CNNM1: variants seen among roughly 807,000 people sequenced by gnomAD.
CNNM1 encodes cyclin and CBS domain divalent metal cation transport mediator 1.
In CNNM1, 44 loss-of-function variants were observed where a neutral mutation model predicts 78.8. The observed-to-expected ratio is 0.56, with a 90% CI of 0.44 to 0.72. The LOEUF is 0.72. Among genes scored for constraint, CNNM1 ranks in the 30% least tolerant of loss-of-function variants. CNNM1 has a pLI of 0.00. For synonymous variants in CNNM1, 584 were observed against 581.5 expected (o/e 1.00, Z -0.06); for missense variants, 1,101 against 1,292.2 (o/e 0.85, Z 2.27).
chr10:99,331,017 T>A, intron 1 of CNNM1, 57 bp downstream of exon 1: 3 of 1,508,440 alleles, frequency 2.0e-6, no homozygotes, highest in Non-Finnish European at 2.7e-6. Context: ...GTATTATCCT[T>A]TCCTAACCAC....
intron 1 of CNNM1, among the ~76,000 whole-genome samples, chr10:99,356,572 G>GAAAGAAAAGAAAAGAAAGAAAGAA (rs1554940050): frequency 8.7e-6 from 1 of 115,202 alleles, no homozygotes; most frequent in Non-Finnish European, 1.8e-5. Context: ...CAGAAAGAAA[G>GAAAGAAAAGAAAAGAAAGAAAGAA]AAAGAAAGAA....
intron 5 of CNNM1, 74 bp downstream of exon 5, chr10:99,364,590 A>T: frequency 8.2e-7 from 1 of 1,217,154 alleles, no homozygotes. Context: ...TCAAGTCTTG[A>T]CTCCCCCTTT....
intron 1 of CNNM1, among the ~76,000 whole-genome samples, chr10:99,345,077 C>T (rs1375606918): frequency 1.3e-5 from 2 of 152,218 alleles, no homozygotes; most frequent in Non-Finnish European, 2.9e-5. Context: ...GGGGTTGTTC[C>T]TGGCTCCATC....
In CNNM1 at chr10:99,377,189, C is replaced by G. The variant is rs1276866510; in HGVS notation, c.2311C>G (p.His771Asp). 1 of 1,613,580 alleles carries G rather than the reference C, an allele frequency of 6.2e-7. No individual in the cohort carries two copies. The highest frequency in any genetic ancestry group is 1.7e-5 in the Admixed American group (1 of 59,994). ...NNLYMPDYSV[H>D]ILSDVQFVKI... ...CCTCTACATGCCTGACTACTCAGTCCACATCCTCAGCGATGTGCAGTTTGT... is the reference window on the plus strand; with the variant it reads ...CCTCTACATGCCTGACTACTCAGTCGACATCCTCAGCGATGTGCAGTTTGT... The change falls in exon 7 of 11, where the codon CAC becomes GAC. Residue 771 changes from histidine to aspartate, a missense_variant. Transcript: ENST00000356713.
At chr10:99,336,566 A>G (rs915973769) in intron 1 of CNNM1, among the ~76,000 whole-genome samples, 1 of 152,364 alleles carries the variant, frequency 6.6e-6, no homozygotes, top group East Asian at 1.9e-4. Flanking sequence ...TATTCAACAA[A>G]TAGTTGTGTT....
chr10:99,333,534 AG>A (rs1395804724), intron 1 of CNNM1, among the ~76,000 whole-genome samples: 1 of 152,092 alleles, frequency 6.6e-6, no homozygotes, highest in East Asian at 1.9e-4. Flanking sequence ...TAGTAGAGAC[AG>A]GGTTTCACCA....
At chr10:99,357,362 C>T (rs969184478) in intron 1 of CNNM1, 150 bp from the exon 2 acceptor site, 17 of 575,864 alleles carry the variant, frequency 3.0e-5, no homozygotes, top group Middle Eastern at 4.7e-4. Context: ...CATTTATAAG[C>T]GCTTGCATAA....
At chr10:99,388,352 G>T in intron 9 of CNNM1, 51 bp downstream of exon 9, 1 of 1,582,888 alleles carries the variant, frequency 6.3e-7, no homozygotes. Context: ...ATTGCCTTTG[G>T]GCACTGGGAT....
At chr10:99,364,593 C>T (rs2031551718) in intron 5 of CNNM1, 77 bp downstream of exon 5, 1 of 1,157,326 alleles carries the variant, frequency 8.6e-7, no homozygotes, top group Non-Finnish European at 1.2e-6. Flanking sequence ...AGTCTTGACT[C>T]CCCCTTTGAC....
chr10:99,389,137 C>T (rs373262003), intron 9 of CNNM1, among the ~76,000 whole-genome samples: 8 of 152,188 alleles, frequency 5.3e-5, no homozygotes, highest in South Asian at 2.1e-4. Context: ...TAAAGTTGGC[C>T]GGGCACGGTG....
rs374753323 is a variant in CNNM1, at chr10:99,329,601, C to T, written c.214C>T (p.Leu72=). The change falls in exon 1 of 11, where the codon CTG becomes TTG. Residue 72 remains leucine, a synonymous_variant. Transcript: ENST00000356713. The part of the protein sequence containing the change: ...LRAAEGTSFL[L]RVYFQPGPPA... ...CGCCGCCGAAGGCACCAGCTTCCTC[C>T]TGCGTGTCTATTTCCAGCCAGGACC... 3.5e-4 allele frequency: 531 copies of T among 1,517,922 alleles called. 4 individuals carry two copies. The African/African-American group carries it at 6.9e-3, about 20-fold the overall frequency. 94.0% of individuals were successfully genotyped at this position (1,517,922 alleles called of 1,614,324 possible).
At chr10:99,356,968 C>A (rs371092469) in intron 1 of CNNM1, among the ~76,000 whole-genome samples, 1 of 152,186 alleles carries the variant, frequency 6.6e-6, no homozygotes, top group Non-Finnish European at 1.5e-5. Flanking sequence ...CACAAGCCCC[C>A]CCAGATTCAA....
At chr10:99,335,601 G>T (rs2030138500) in intron 1 of CNNM1, among the ~76,000 whole-genome samples, 1 of 152,042 alleles carries the variant, frequency 6.6e-6, no homozygotes. Flanking sequence ...CTCTTCATGG[G>T]CCTCTGTCCC....
intron 1 of CNNM1, among the ~76,000 whole-genome samples, chr10:99,350,299 C>G (rs2030891910): frequency 2.0e-5 from 3 of 152,216 alleles, no homozygotes; most frequent in African/African-American, 7.2e-5. Flanking sequence ...ACAAGTGAGG[C>G]AGAAACCATA....
Position 99,329,825 on chromosome 10 carries a change from G to C in CNNM1, c.438G>C (p.Leu146=). The C allele has an allele frequency of 7.0e-7, 1 of 1,436,384 alleles. No individual in the cohort carries two copies. Among genetic ancestry groups the C allele is most frequent in the South Asian group, 1.4e-5 (1 of 69,150 alleles). 89.0% of individuals were successfully genotyped at this position (1,436,384 alleles called of 1,614,324 possible). A position where few individuals can be genotyped will look rare whatever the true frequency, so the allele number is the denominator to read the frequency against. ...ACTGGGCATCGGACGTGGAAGTCCT[G>C]GGGCCCTTGCGTCCCGGGGGCGTGG... The part of the protein sequence containing the change: ...QSDWASDVEV[L]GPLRPGGVAG... The change falls in exon 1 of 11, where the codon CTG becomes CTC. Residue 146 remains leucine (L), a synonymous_variant. Coordinates refer to ENST00000356713, the MANE Select transcript of CNNM1 (RefSeq NM_020348.3).
chr10:99,393,188 A>T lies in CNNM1; in HGVS notation c.*1672A>T, dbSNP rs1330975910. The stretch of plus-strand genomic sequence containing the variant: ...ATTCCCAAACCTTTCCCCGTAGTAT[A>T]CCATCCAGCTTCCCTCCCCTTCCTC... On this transcript the variant is annotated 3_prime_UTR_variant, in exon 11 of 11. Transcript: ENST00000356713. 2 of 152,406 alleles carry T rather than the reference A, an allele frequency of 1.3e-5. No homozygotes were observed. Among genetic ancestry groups the T allele is most frequent in the East Asian group, 3.9e-4 (2 of 5,172 alleles). The allele number at this position is 152,406 out of a possible 1,614,324, so 9.4% of individuals were successfully genotyped here.
In CNNM1 at chr10:99,360,884, T is replaced by C. The variant is rs2031407599; in HGVS notation, c.1767T>C (p.His589=). The change falls in exon 3 of 11, where the codon CAT becomes CAC. Residue 589 remains histidine (H), a synonymous_variant. Coordinates refer to ENST00000356713, the MANE Select transcript of CNNM1 (RefSeq NM_020348.3). ...TCCCGCAACGGGAGCGGAAGCGGCA[T>C]GACTTCTCCTTGTTTAAGCTTTCGG... ...QRVPQRERKR[H]DFSLFKLSDT... The C allele has an allele frequency of 1.2e-6, 2 of 1,612,898 alleles. No homozygotes were observed. Among genetic ancestry groups the C allele is most frequent in the Non-Finnish European group, 8.5e-7 (1 of 1,179,096 alleles).
At chr10:99,361,042 G>A (rs528102645) in intron 3 of CNNM1, 67 bp downstream of exon 3, 316 of 1,459,588 alleles carry the variant, frequency 2.2e-4, no homozygotes, top group Admixed American at 1.4e-4. Context: ...GGCACCAATC[G>A]TTGTTAATAC....
At chr10:99,368,747 T>C in intron 6 of CNNM1, 1 of 1,145,536 alleles carries the variant, frequency 8.7e-7, no homozygotes, top group Non-Finnish European at 1.2e-6. Context: ...CTTTGGCCTC[T>C]GTCACTTTCC....
Sources: gnomAD v4.1 joint callset for allele counts (sites outside exome capture counted in the v4.1 genomes callset) on GRCh38, gnomAD v4.1.1 for gene constraint, MANE v1.5 for transcripts, NCBI Gene and HGNC (gene_info 2026-07-23, HGNC 2026-07-21) for gene names.